LINGO2: variants seen among roughly 807,000 people sequenced by gnomAD.
The protein encoded by LINGO2 is leucine-rich repeat and immunoglobulin-like domain-containing nogo receptor-interacting protein 2.
Under a neutral mutation model 30.6 loss-of-function variants are expected in LINGO2, and 14 were observed. That is an observed-to-expected ratio of 0.46 (90% CI 0.30 to 0.72). The LOEUF (loss-of-function observed/expected upper bound fraction) is 0.72. Ranked by LOEUF, LINGO2 falls within the 30% of genes least tolerant of loss-of-function variation. The pLI, the probability that LINGO2 is intolerant of heterozygous loss-of-function variation, is 0.07. For missense variants in LINGO2, 729 were observed against 751.7 expected (o/e 0.97, Z 0.35); for synonymous variants, 317 against 288.5 (o/e 1.10, Z -1.00).
Position 28,117,723 on chromosome 9 carries a change from A to T in LINGO2, c.-86-105318T>A, listed in dbSNP as rs1826966471. Reference sequence around the variant, plus strand: ...TTTGACTCGGAAAGGGAACTCCCTGACCCCTTGCGCTTCCCAGGTGAGGCA... The same window carrying T: ...TTTGACTCGGAAAGGGAACTCCCTGTCCCCTTGCGCTTCCCAGGTGAGGCA... On this transcript the variant is annotated intron_variant, in intron 4 of 5. Coordinates refer to ENST00000379992, the Ensembl canonical transcript of LINGO2. 2.1e-5 allele frequency among the ~76,000 whole-genome samples: 3 copies of T among 143,976 alleles called. No homozygotes were observed. In the South Asian group the frequency reaches 7.0e-4, roughly 34 times the overall value. 94.5% of individuals were successfully genotyped at this position (143,976 alleles called of 152,430 possible). A position where few individuals can be genotyped will look rare whatever the true frequency, so the allele number is the denominator to read the frequency against.
At chr9:29,064,760 C>A in the LINGO2 span, among the ~76,000 whole-genome samples, 1 of 151,990 alleles carries the variant, frequency 6.6e-6, no homozygotes, top group Non-Finnish European at 1.5e-5. Flanking sequence ...ATATCAAATA[C>A]TCTAGGATAG....
intron 2 of LINGO2, among the ~76,000 whole-genome samples, chr9:28,396,559 C>A (rs1048360000): frequency 6.6e-6 from 1 of 151,780 alleles, no homozygotes. Flanking sequence ...AAAAAATTAG[C>A]CGGGCATGGT....
chr9:28,241,000 G>C (rs1821764238), intron 4 of LINGO2, among the ~76,000 whole-genome samples: 1 of 152,074 alleles, frequency 6.6e-6, no homozygotes, highest in South Asian at 2.1e-4. Flanking sequence ...GTCGGGCACA[G>C]TGGCTCACGC....
chr9:28,298,912 A>G (rs1375813389), intron 3 of LINGO2, among the ~76,000 whole-genome samples: 1 of 152,204 alleles, frequency 6.6e-6, no homozygotes, highest in African/African-American at 2.4e-5. Flanking sequence ...TAACATGTAC[A>G]AACGCTGTTT....
At chr9:28,716,378 G>T in the LINGO2 span, among the ~76,000 whole-genome samples, 1 of 151,870 alleles carries the variant, frequency 6.6e-6, no homozygotes, top group Non-Finnish European at 1.5e-5. Flanking sequence ...ATAGGAAAGG[G>T]TCCAAAATAT....
the LINGO2 span, among the ~76,000 whole-genome samples, chr9:28,989,814 T>C: frequency 6.6e-6 from 1 of 152,180 alleles, no homozygotes. Flanking sequence ...CATAAACATA[T>C]GTAAATGTTT....
chr9:28,175,975 A>T (rs779185467), intron 4 of LINGO2, among the ~76,000 whole-genome samples: 1 of 152,208 alleles, frequency 6.6e-6, no homozygotes, highest in Admixed American at 6.5e-5. Flanking sequence ...ATCAGAAGAT[A>T]AACACCTGAA....
At chr9:28,290,102 T>G (rs1320892368) in intron 4 of LINGO2, among the ~76,000 whole-genome samples, 1 of 152,196 alleles carries the variant, frequency 6.6e-6, no homozygotes, top group African/African-American at 2.4e-5. Context: ...TTACATCTTT[T>G]TTTAAGTGAG....
At chr9:28,651,123 C>A (rs1828083881) in intron 1 of LINGO2, among the ~76,000 whole-genome samples, 1 of 151,204 alleles carries the variant, frequency 6.6e-6, no homozygotes, top group African/African-American at 2.4e-5. Flanking sequence ...GCAGAGCTTG[C>A]AGTGAGCAGA....
chr9:28,108,706 G>A (rs188805510), intron 4 of LINGO2, among the ~76,000 whole-genome samples: 133 of 152,140 alleles, frequency 8.7e-4, no homozygotes, highest in African/African-American at 3.1e-3. Context: ...AGTCCCAAAG[G>A]ATGGAAACCA....
rs189329518 is a variant in LINGO2, at chr9:28,012,597, G to C, written c.-86-192C>G. Among the ~76,000 whole-genome samples the C allele has an allele frequency of 1.9e-3, 284 of 151,976 alleles. 2 individuals are homozygous for C. Among genetic ancestry groups the C allele is most frequent in the Middle Eastern group, 0.014 (4 of 294 alleles). ...CTCCAACAATCCATTCAAGCCACCAGCTCCTCCTTTTCTCACCCTACTTCT... is the reference window on the plus strand; with the variant it reads ...CTCCAACAATCCATTCAAGCCACCACCTCCTCCTTTTCTCACCCTACTTCT... On this transcript the variant is annotated intron_variant, in intron 4 of 5. Transcript: ENST00000379992.
At chr9:28,089,940 A>G (rs1587832492) in intron 4 of LINGO2, among the ~76,000 whole-genome samples, 1 of 152,234 alleles carries the variant, frequency 6.6e-6, no homozygotes, top group Non-Finnish European at 1.5e-5. Flanking sequence ...AAACACCTCT[A>G]TGCAAATAAA....
the LINGO2 span, among the ~76,000 whole-genome samples, chr9:28,945,871 T>C: frequency 2.0e-5 from 3 of 152,150 alleles, no homozygotes; most frequent in Non-Finnish European, 4.4e-5. Context: ...AATAAAATGC[T>C]CATTTTTAGG....
intron 4 of LINGO2, among the ~76,000 whole-genome samples, chr9:28,054,682 C>G (rs1295844152): frequency 6.6e-6 from 1 of 152,064 alleles, no homozygotes; most frequent in East Asian, 1.9e-4. Context: ...GTTGCCTCCC[C>G]TAATTCACAA....
chr9:29,010,423 C>T, the LINGO2 span, among the ~76,000 whole-genome samples: 4 of 152,056 alleles, frequency 2.6e-5, no homozygotes, highest in African/African-American at 7.2e-5. Flanking sequence ...ATCTGGATGA[C>T]GCAGGTGGAT....
the LINGO2 span, among the ~76,000 whole-genome samples, chr9:29,166,391 A>G: frequency 1.3e-5 from 2 of 152,232 alleles, no homozygotes; most frequent in Middle Eastern, 3.4e-3. Context: ...AGAGGTATAT[A>G]GAGAGAAAGA....
At chr9:28,028,487 ACAC>A (rs1167838925) in intron 4 of LINGO2, among the ~76,000 whole-genome samples, 84 of 152,270 alleles carry the variant, frequency 5.5e-4, no homozygotes, top group African/African-American at 2.0e-3. Flanking sequence ...AAATGTATAT[ACAC>A]GTAACACCCA....
At chr9:28,639,710 G>C (rs1827477577) in intron 1 of LINGO2, among the ~76,000 whole-genome samples, 1 of 152,106 alleles carries the variant, frequency 6.6e-6, no homozygotes. Context: ...GAGCCTATGT[G>C]TGTCTCTGCA....
chr9:28,382,569 A>G (rs1821397125), intron 2 of LINGO2, among the ~76,000 whole-genome samples: 1 of 152,068 alleles, frequency 6.6e-6, no homozygotes, highest in African/African-American at 2.4e-5. Flanking sequence ...AAAGCCTTGA[A>G]TCTCATGGGG....
Sources: allele counts gnomAD v4.1 joint callset (sites outside exome capture counted in the v4.1 genomes callset), GRCh38; gene constraint gnomAD v4.1.1; transcripts MANE v1.5; gene names NCBI Gene and HGNC (gene_info 2026-07-23, HGNC 2026-07-21).